DCAF1: variants seen among roughly 807,000 people sequenced by gnomAD.
DCAF1 encodes DDB1- and CUL4-associated factor 1.
A neutral mutation model predicts 128.0 loss-of-function variants in DCAF1; 15 were observed. The ratio of observed to expected loss-of-function variants is 0.12; its 90% CI spans 0.08 to 0.18. The LOEUF (loss-of-function observed/expected upper bound fraction) is 0.18, where lower values mean the gene tolerates loss of function less well. DCAF1 is among the 10% of genes least tolerant of loss of function. The pLI, the probability that DCAF1 is intolerant of heterozygous loss-of-function variation, is 1.00. For synonymous variants in DCAF1, 610 were observed against 603.0 expected, an observed-to-expected ratio of 1.01 and a Z score of -0.17; for missense variants, 988 against 1,649.5, an observed-to-expected ratio of 0.60 and a Z score of 6.95.
chr3:51,418,629 A>G, intron 16 of DCAF1, 49 bp downstream of exon 16: 2 of 1,563,534 alleles, frequency 1.3e-6, no homozygotes, highest in Non-Finnish European at 1.7e-6. Flanking sequence ...CTAGTTCACC[A>G]ATTCATCTTG....
At chr3:51,459,462 G>T (rs1197503645) in intron 6 of DCAF1, among the ~76,000 whole-genome samples, 2 of 152,086 alleles carry the variant, frequency 1.3e-5, no homozygotes, top group African/African-American at 2.4e-5. Context: ...ATTCACAGCC[G>T]AATTCTACCA....
In DCAF1 at chr3:51,436,364, C is replaced by G. The variant is rs781846058; in HGVS notation, c.1129-3100G>C. On this transcript the variant is annotated intron_variant, in intron 9 of 24. Transcript: ENST00000684031. ...GTTCAGAATGAATCAAGTAGTGGACCATTCAGATGTTGCTGCAGTTTCTGC... is the reference window on the plus strand; with the variant it reads ...GTTCAGAATGAATCAAGTAGTGGACGATTCAGATGTTGCTGCAGTTTCTGC... The G allele has an allele frequency of 9.6e-6, 5 of 519,838 alleles. No individual in the cohort carries two copies. The East Asian group carries it at 2.2e-4, about 23-fold the overall frequency. 32.2% of individuals were successfully genotyped at this position (519,838 alleles called of 1,614,324 possible). A position where few individuals can be genotyped will look rare whatever the true frequency, so the allele number is the denominator to read the frequency against.
chr3:51,415,764 T>C (rs1420949704), intron 18 of DCAF1, among the ~76,000 whole-genome samples: 2 of 152,012 alleles, frequency 1.3e-5, no homozygotes, highest in East Asian at 3.9e-4. Flanking sequence ...CAATTTTGTT[T>C]ATTTTTTGTA....
At chr3:51,407,984 CAAAAAA>C (rs59224025) in intron 23 of DCAF1, among the ~76,000 whole-genome samples, 4 of 52,548 alleles carry the variant, frequency 7.6e-5, no homozygotes, top group Admixed American at 5.7e-4. Flanking sequence ...GACTCCATCT[CAAAAAA>C]AAAAAAAAAA....
intron 3 of DCAF1, among the ~76,000 whole-genome samples, chr3:51,482,017 TTTCAGTTTAAAACCA>T (rs1312386715): frequency 6.6e-5 from 10 of 151,982 alleles, no homozygotes; most frequent in African/African-American, 1.5e-4. Flanking sequence ...AAAAAAAGTT[TTTCAGTTTAAAACCA>T]TTCAGTTTAA....
Position 51,463,147 on chromosome 3 carries a change from T to C in DCAF1, c.342A>G (p.Pro114=), listed in dbSNP as rs1394043431. The C allele has an allele frequency of 1.9e-6, 3 of 1,596,626 alleles. No homozygotes were observed. The highest frequency in any genetic ancestry group is 2.6e-6 in the Non-Finnish European group (3 of 1,170,992). ...AACRLLLDIM[P]GLETAVVFQE... Reference sequence around the variant, plus strand: ...GAAAGACGACAGCAGTTTCCAGCCCTGGCATGATGTCTAATAGGAGTCTGC... The same window carrying C: ...GAAAGACGACAGCAGTTTCCAGCCCCGGCATGATGTCTAATAGGAGTCTGC... The change falls in exon 6 of 25, where the codon CCA becomes CCG. Residue 114 remains proline (P), a synonymous_variant. Transcript: ENST00000684031.
chr3:51,467,896 T>C (rs530071837), intron 4 of DCAF1, among the ~76,000 whole-genome samples: 13 of 152,144 alleles, frequency 8.5e-5, no homozygotes, highest in Admixed American at 1.3e-4. Flanking sequence ...CATGCTTCTA[T>C]TGATGGGTGG....
At chr3:51,413,232 G>A (rs1486534208) in intron 21 of DCAF1, 50 bp downstream of exon 21, 5 of 1,577,702 alleles carry the variant, frequency 3.2e-6, no homozygotes, top group Non-Finnish European at 4.3e-6. Context: ...TCTTAAATAA[G>A]GAACACCAAA....
upstream of DCAF1, among the ~76,000 whole-genome samples, chr3:51,501,137 CT>C (rs1426369783): frequency 6.6e-6 from 1 of 152,160 alleles, no homozygotes; most frequent in Non-Finnish European, 1.5e-5. Flanking sequence ...TGTTCAAGAC[CT>C]AGCCTGTAAG....
upstream of DCAF1, among the ~76,000 whole-genome samples, chr3:51,502,461 G>A (rs951509571): frequency 6.6e-6 from 1 of 152,124 alleles, no homozygotes; most frequent in Non-Finnish European, 1.5e-5. Context: ...TGAGGCTGAG[G>A]TGGGAGGATT....
upstream of DCAF1, among the ~76,000 whole-genome samples, chr3:51,503,728 C>G (rs1708874761): frequency 6.6e-6 from 1 of 152,094 alleles, no homozygotes; most frequent in Non-Finnish European, 1.5e-5. Flanking sequence ...GCCCCTGTAC[C>G]CCACCCCCAG....
chr3:51,449,265 T>C, intron 6 of DCAF1, among the ~76,000 whole-genome samples: 1 of 152,164 alleles, frequency 6.6e-6, no homozygotes, highest in African/African-American at 2.4e-5. Flanking sequence ...TGGAGTGCAA[T>C]GGCACAATCT....
At position 51,422,201 on chromosome 3, in the gene DCAF1, C is replaced by T. The variant is rs542875590; in HGVS notation, c.1972+106G>A. On this transcript the variant is annotated intron_variant, in intron 14 of 24. Coordinates refer to ENST00000684031, the MANE Select transcript of DCAF1 (RefSeq NM_001387579.1). The stretch of plus-strand genomic sequence containing the variant: ...GACAAGGAGCCCCCCTCTACTACTT[C>T]TGTTCTAAAATCCAAAATTAGGTCA... The T allele has an allele frequency of 1.6e-5, 11 of 667,978 alleles. No homozygotes were observed. The South Asian group carries it at 1.8e-4, about 11-fold the overall frequency. The allele number at this position is 667,978 out of a possible 1,614,324, so 41.4% of individuals were successfully genotyped here. A position where few individuals can be genotyped will look rare whatever the true frequency, so the allele number is the denominator to read the frequency against.
At position 51,493,992 on chromosome 3, in the gene DCAF1, G is replaced by A. The variant is rs1418587163; in HGVS notation, c.-9+2742C>T. 3.4e-4 allele frequency among the ~76,000 whole-genome samples: 49 copies of A among 144,586 alleles called. 1 individual carries two copies. In the East Asian group the frequency reaches 4.9e-3, roughly 14 times the overall value. The allele number at this position is 144,586 out of a possible 152,430, so 94.9% of individuals were successfully genotyped here. On this transcript the variant is annotated intron_variant, in intron 2 of 24. Coordinates refer to ENST00000684031, the MANE Select transcript of DCAF1 (RefSeq NM_001387579.1). ...AGCCTGGGCGACAGAGCGAGATTCC[G>A]TCTCAAAAAAAAAAAAAAAGTTGAA...
intron 6 of DCAF1, among the ~76,000 whole-genome samples, chr3:51,456,923 C>T (rs564604352): frequency 3.9e-5 from 6 of 152,164 alleles, no homozygotes; most frequent in Admixed American, 1.3e-4. Context: ...ACGTCACCAT[C>T]GTCAAAAACG....
At chr3:51,410,147 A>C (rs1698265357) in intron 23 of DCAF1, among the ~76,000 whole-genome samples, 1 of 152,238 alleles carries the variant, frequency 6.6e-6, no homozygotes, top group African/African-American at 2.4e-5. Flanking sequence ...GTTGTTTCAA[A>C]CTCTACAGCC....
intron 9 of DCAF1, among the ~76,000 whole-genome samples, chr3:51,439,215 G>A (rs782631551): frequency 3.3e-5 from 5 of 151,510 alleles, no homozygotes; most frequent in East Asian, 1.9e-4. Flanking sequence ...TGCAACCTCC[G>A]CCTCCCGGGT....
intron 2 of DCAF1, among the ~76,000 whole-genome samples, chr3:51,492,509 T>A (rs1553658542): frequency 6.6e-6 from 1 of 151,916 alleles, no homozygotes; most frequent in East Asian, 1.9e-4. Context: ...GGAGTGAGAC[T>A]TTGTCTTAAA....
At chr3:51,442,562 G>A (rs1701458464) in intron 7 of DCAF1, among the ~76,000 whole-genome samples, 1 of 152,016 alleles carries the variant, frequency 6.6e-6, no homozygotes, top group African/African-American at 2.4e-5. Flanking sequence ...TCCAGGGTGT[G>A]GAGGTGCTCG....
Sources: allele counts gnomAD v4.1 joint callset (sites outside exome capture counted in the v4.1 genomes callset), GRCh38; gene constraint gnomAD v4.1.1; transcripts MANE v1.5; gene names NCBI Gene and HGNC (gene_info 2026-07-23, HGNC 2026-07-21).